PKP4: variants seen among roughly 807,000 people sequenced by gnomAD.
PKP4 encodes plakophilin-4.
In PKP4, 90 loss-of-function variants were observed where a neutral mutation model predicts 145.1. The ratio of observed to expected loss-of-function variants is 0.62; its 90% CI spans 0.52 to 0.74. PKP4 has a LOEUF of 0.74. PKP4 is among the 30% of genes least tolerant of loss of function. PKP4 has a pLI of 0.00. For missense variants in PKP4, 1,340 were observed against 1,482.7 expected, an observed-to-expected ratio of 0.90 and a Z score of 1.58; for synonymous variants, 563 against 577.2, an observed-to-expected ratio of 0.98 and a Z score of 0.35.
chr2:158,482,429 A>G (rs1338218556), intron 1 of PKP4, among the ~76,000 whole-genome samples: 1 of 152,196 alleles, frequency 6.6e-6, no homozygotes, highest in African/African-American at 2.4e-5. Flanking sequence ...AATTATAGGC[A>G]CATACCACCG....
rs373210875 is a variant in PKP4, at chr2:158,492,735, A to G, written c.-6+35517A>G. Among the ~76,000 whole-genome samples, 9 of 152,190 alleles carry G rather than the reference A, an allele frequency of 5.9e-5. No individual in the cohort carries two copies. In the East Asian group the frequency reaches 1.2e-3, roughly 20 times the overall value. ...ACTTAAGTTCTGTTTCCAGCTGACC[A>G]TTTTCCTCCTGCGTACCTTTTAACA... is the stretch of plus-strand genomic sequence containing the variant. On this transcript the variant is annotated intron_variant, in intron 1 of 21. Transcript: ENST00000389759.
intron 15 of PKP4, among the ~76,000 whole-genome samples, chr2:158,665,454 G>A (rs1211274178): frequency 6.6e-6 from 1 of 152,186 alleles, no homozygotes; most frequent in Non-Finnish European, 1.5e-5. Context: ...TCAAGAAACT[G>A]GATGGTCAAT....
intron 2 of PKP4, chr2:158,533,626 C>T: frequency 2.4e-6 from 1 of 409,256 alleles, no homozygotes; most frequent in South Asian, 2.0e-5. Flanking sequence ...GCATAGTTCT[C>T]AGTGCTGACT....
intron 1 of PKP4, among the ~76,000 whole-genome samples, chr2:158,531,235 C>A (rs1308632626): frequency 6.6e-6 from 1 of 152,156 alleles, no homozygotes; most frequent in Non-Finnish European, 1.5e-5. Flanking sequence ...TCCCCAGTGA[C>A]ATTTCTGTTT....
At chr2:158,539,444 A>G (rs2044329620) in intron 2 of PKP4, among the ~76,000 whole-genome samples, 1 of 152,214 alleles carries the variant, frequency 6.6e-6, no homozygotes, top group African/African-American at 2.4e-5. Flanking sequence ...ATTTTCAATG[A>G]AATAGTCCTC....
chr2:158,486,821 G>A (rs1262639356), intron 1 of PKP4, among the ~76,000 whole-genome samples: 1 of 152,228 alleles, frequency 6.6e-6, no homozygotes, highest in Non-Finnish European at 1.5e-5. Context: ...TCTGTCTTAA[G>A]CATGAGCAGC....
chr2:158,550,074 G>T (rs1399840555), intron 2 of PKP4, among the ~76,000 whole-genome samples: 1 of 100,756 alleles, frequency 9.9e-6, no homozygotes, highest in Non-Finnish European at 2.8e-5. Flanking sequence ...TCCATCTATG[G>T]CTCTGCTCTC....
At chr2:158,606,658 T>G (rs906240994) in intron 4 of PKP4, among the ~76,000 whole-genome samples, 10 of 152,226 alleles carry the variant, frequency 6.6e-5, no homozygotes, top group African/African-American at 1.7e-4. Flanking sequence ...TTTTACCTTT[T>G]GAGAGAAATG....
intron 11 of PKP4, among the ~76,000 whole-genome samples, chr2:158,654,808 A>G (rs1264171694): frequency 1.3e-5 from 2 of 152,220 alleles, no homozygotes; most frequent in African/African-American, 2.4e-5. Flanking sequence ...ATAGGTAGGA[A>G]ATAAAAGAGA....
At chr2:158,665,198 T>C (rs1575070568) in intron 15 of PKP4, among the ~76,000 whole-genome samples, 1 of 152,144 alleles carries the variant, frequency 6.6e-6, no homozygotes, top group Non-Finnish European at 1.5e-5. Flanking sequence ...CGGGCTGGGC[T>C]GGGCTGGGCT....
chr2:158,588,800 G>A (rs1254963409), intron 3 of PKP4: 4 of 151,968 alleles, frequency 2.6e-5, no homozygotes, highest in Non-Finnish European at 5.9e-5. Context: ...ATTTTCTTTA[G>A]TGACTCTGCA....
rs529495509 is a variant in PKP4 at position 158,471,757 on chromosome 2, A to C, written c.-6+14539A>C. 5.3e-5 allele frequency among the ~76,000 whole-genome samples: 8 copies of C among 152,372 alleles called. No individual in the cohort carries two copies. The South Asian group carries it at 1.4e-3, about 28-fold the overall frequency. ...AATGCCGTTTATTGAACTAAGCATT[A>C]TTTCAAAGAAAAAAGAACTAGTCAT... On this transcript the variant is annotated intron_variant, in intron 1 of 21. Coordinates refer to ENST00000389759, the MANE Select transcript of PKP4 (RefSeq NM_003628.6).
At chr2:158,567,158 T>G (rs902439377) in intron 2 of PKP4, among the ~76,000 whole-genome samples, 44 of 152,196 alleles carry the variant, frequency 2.9e-4, no homozygotes, top group African/African-American at 1.0e-3. Context: ...GATACTAAGA[T>G]GAGTGAAATA....
intron 8 of PKP4, 152 bp downstream of exon 8, chr2:158,632,093 A>AC: frequency 1.5e-6 from 1 of 651,720 alleles, no homozygotes; most frequent in Non-Finnish European, 2.7e-6. Context: ...AAGCAATAAA[A>AC]CAGGTTCATT....
chr2:158,546,895 G>A (rs1385993216), intron 2 of PKP4, among the ~76,000 whole-genome samples: 1 of 152,030 alleles, frequency 6.6e-6, no homozygotes, highest in Non-Finnish European at 1.5e-5. Flanking sequence ...GAAGTAGAAG[G>A]TACACACACT....
chr2:158,673,741 C>T lies in PKP4; in HGVS notation c.2989C>T (p.Leu997Phe). Residue 997 changes from leucine to phenylalanine, a missense_variant, in exon 18 of 22, where the codon CTC becomes TTC. Leu to Phe is a conservative substitution (Grantham distance 22, BLOSUM62 0). Transcript: ENST00000389759. ...VLNTLWQYRD[L>F]RSIYKKDGWN... is the part of the protein sequence containing the mutation. Reference sequence around the variant, plus strand: ...GAATACATTATGGCAATATCGGGACCTCCGGAGCATTTATAAAAAGGTAAC... The same window carrying T: ...GAATACATTATGGCAATATCGGGACTTCCGGAGCATTTATAAAAAGGTAAC... The T allele has an allele frequency of 6.2e-7, 1 of 1,612,366 alleles. No individual in the cohort carries two copies. Among genetic ancestry groups the T allele is most frequent in the Non-Finnish European group, 8.5e-7 (1 of 1,178,486 alleles).
At chr2:158,581,048 A>G (rs953846592) in intron 3 of PKP4, among the ~76,000 whole-genome samples, 4 of 152,174 alleles carry the variant, frequency 2.6e-5, no homozygotes, top group African/African-American at 7.2e-5. Flanking sequence ...CGGGCACATC[A>G]TGTAAAGGTG....
At chr2:158,556,144 GTCTGCCTTATTTTC>G (rs1223773031) in intron 2 of PKP4, among the ~76,000 whole-genome samples, 1 of 152,218 alleles carries the variant, frequency 6.6e-6, no homozygotes, top group Non-Finnish European at 1.5e-5. Context: ...GCTTAAAGAT[GTCTGCCTTATTTTC>G]TAAATAAGAG....
chr2:158,612,166 C>T (rs1326599868), intron 4 of PKP4, among the ~76,000 whole-genome samples: 1 of 151,950 alleles, frequency 6.6e-6, no homozygotes, highest in Non-Finnish European at 1.5e-5. Context: ...AATAATGAAA[C>T]ACCCCAGACT....
Sources: allele counts gnomAD v4.1 joint callset (sites outside exome capture counted in the v4.1 genomes callset), GRCh38; gene constraint gnomAD v4.1.1; transcripts MANE v1.5; gene names NCBI Gene and HGNC (gene_info 2026-07-23, HGNC 2026-07-21).